TSHZ2: variants seen among roughly 807,000 people sequenced by gnomAD.
TSHZ2 encodes the protein teashirt homolog 2.
TSHZ2 carries 21 observed loss-of-function variants against 74.4 expected under a neutral mutation model. The observed-to-expected ratio is 0.28, with a 90% CI of 0.20 to 0.41. The LOEUF is 0.41. Among genes scored for constraint, TSHZ2 ranks in the 10% least tolerant of loss-of-function variants. The pLI is 1.00. For missense variants in TSHZ2, 1,244 were observed against 1,293.5 expected (o/e 0.96, Z 0.59); for synonymous variants, 540 against 515.3 (o/e 1.05, Z -0.65).
chr20:53,451,836 C>A (rs1984797396), intron 2 of TSHZ2, among the ~76,000 whole-genome samples: 1 of 152,162 alleles, frequency 6.6e-6, no homozygotes, highest in African/African-American at 2.4e-5. Context: ...TTGATCACCA[C>A]TTAGTACAGT....
chr20:53,171,094 G>C (rs1446154632), intron 1 of TSHZ2, among the ~76,000 whole-genome samples: 1 of 152,110 alleles, frequency 6.6e-6, no homozygotes, highest in Non-Finnish European at 1.5e-5. Flanking sequence ...TGTTTTAATA[G>C]GAACATTCAG....
intron 2 of TSHZ2, among the ~76,000 whole-genome samples, chr20:53,478,701 C>G (rs1178525168): frequency 6.6e-6 from 1 of 151,306 alleles, no homozygotes; most frequent in Non-Finnish European, 1.5e-5. Context: ...ATTTAGTTAT[C>G]AGATTAAAAA....
chr20:53,491,624 C>A lies in TSHZ2; in HGVS notation c.*4489C>A, dbSNP rs936710497. ...TTAATCTTCTTCCAATAGTTACGAA[C>A]AATGGGCTAACAGGCGTGGGTGTTT... On this transcript the variant is annotated 3_prime_UTR_variant, in exon 3 of 3. Coordinates refer to ENST00000371497, the MANE Select transcript of TSHZ2 (RefSeq NM_173485.6). The A allele has an allele frequency of 2.0e-5, 3 of 152,128 alleles. No homozygotes were observed. Among genetic ancestry groups the A allele is most frequent in the African/African-American group, 4.8e-5 (2 of 41,420 alleles). 9.4% of individuals were successfully genotyped at this position (152,128 alleles called of 1,614,324 possible). A position where few individuals can be genotyped will look rare whatever the true frequency, so the allele number is the denominator to read the frequency against.
intron 1 of TSHZ2, among the ~76,000 whole-genome samples, chr20:53,028,618 G>A (rs910579668): frequency 3.9e-5 from 6 of 152,208 alleles, no homozygotes; most frequent in Non-Finnish European, 5.9e-5. Context: ...CGGAGGTGGT[G>A]CCTTAAGATC....
At chr20:53,246,969 ATTG>A (rs781370731) in intron 1 of TSHZ2, among the ~76,000 whole-genome samples, 1 of 151,986 alleles carries the variant, frequency 6.6e-6, no homozygotes, top group African/African-American at 2.4e-5. Flanking sequence ...ATAGAGAGAG[ATTG>A]TTGTTTTGAT....
intron 2 of TSHZ2, among the ~76,000 whole-genome samples, chr20:53,306,060 C>G (rs916686077): frequency 2.6e-5 from 4 of 152,050 alleles, no homozygotes; most frequent in Non-Finnish European, 2.9e-5. Flanking sequence ...TGGCTTTTCT[C>G]ACTGAATAAG....
chr20:53,253,351 T>C, intron 1 of TSHZ2, 148 bp from the exon 2 acceptor site: 1 of 1,250,982 alleles, frequency 8.0e-7, no homozygotes, highest in Non-Finnish European at 1.0e-6. Flanking sequence ...ACCATTTGGC[T>C]TTTCCTGTGT....
At position 53,254,930 on chromosome 20, in the gene TSHZ2, C is replaced by G. The variant is rs771906222; in HGVS notation, c.1472C>G (p.Pro491Arg). 10 of 1,613,932 alleles carry G rather than the reference C, an allele frequency of 6.2e-6. No individual in the cohort carries two copies. Among genetic ancestry groups the G allele is most frequent in the South Asian group, 1.1e-5 (1 of 91,050 alleles). The change falls in exon 2 of 3, where the codon CCT (proline) becomes CGT (arginine). Residue 491 changes from proline to arginine, a missense_variant. By Grantham distance (103) the Pro-to-Arg change is moderately radical. This residue lies in a region of TSHZ2 where 562 missense variants were observed against 544.0 expected (regional missense o/e 1.03). Coordinates refer to ENST00000371497, the MANE Select transcript of TSHZ2 (RefSeq NM_173485.6). ...GACTATGAAGATCCTCTACAAAAAC[C>G]TTTAGACCCTACAATCAAATATCAA... ...SEDYEDPLQK[P>R]LDPTIKYQYL...
intron 1 of TSHZ2, among the ~76,000 whole-genome samples, chr20:53,148,194 G>A (rs1038696875): frequency 6.6e-6 from 1 of 152,192 alleles, no homozygotes; most frequent in Non-Finnish European, 1.5e-5. Context: ...TTGATCACAT[G>A]AATGTTATTT....
intron 1 of TSHZ2, among the ~76,000 whole-genome samples, chr20:53,027,253 T>C (rs1052173702): frequency 2.0e-5 from 3 of 152,214 alleles, no homozygotes; most frequent in African/African-American, 7.2e-5. Flanking sequence ...AATATATGCA[T>C]ATGTATTTAT....
intron 1 of TSHZ2, among the ~76,000 whole-genome samples, chr20:53,179,922 G>T (rs147078950): frequency 2.0e-5 from 3 of 152,150 alleles, no homozygotes; most frequent in Admixed American, 6.5e-5. Flanking sequence ...CTTTAAAAAA[G>T]ATGGAGTTAC....
At chr20:53,426,638 T>C (rs868518244) in intron 2 of TSHZ2, among the ~76,000 whole-genome samples, 31 of 152,242 alleles carry the variant, frequency 2.0e-4, no homozygotes, top group African/African-American at 7.2e-4. Flanking sequence ...CAGCGCGTTT[T>C]CTGCCCAGCC....
At chr20:53,262,224 C>T (rs2426480) in intron 2 of TSHZ2, among the ~76,000 whole-genome samples, 102,616 of 149,676 alleles carry the variant, frequency 0.69, 35,194 homozygotes, top group African/African-American at 0.79. Context: ...TTGTCTTTTT[C>T]TTTTTTTAAC....
At chr20:53,465,378 C>T (rs530391425) in intron 2 of TSHZ2, among the ~76,000 whole-genome samples, 1 of 152,226 alleles carries the variant, frequency 6.6e-6, no homozygotes, top group East Asian at 1.9e-4. Flanking sequence ...TCAAGAGATT[C>T]TCCTGTCTCA....
chr20:53,180,451 T>A (rs1988442088), intron 1 of TSHZ2, among the ~76,000 whole-genome samples: 1 of 152,138 alleles, frequency 6.6e-6, no homozygotes, highest in Non-Finnish European at 1.5e-5. Context: ...TGGGTTTCAT[T>A]TCAGTTTTAC....
intron 1 of TSHZ2, among the ~76,000 whole-genome samples, chr20:52,994,241 G>A (rs1352014748): frequency 1.3e-5 from 2 of 152,174 alleles, no homozygotes; most frequent in Non-Finnish European, 2.9e-5. Context: ...CCAGAATAAC[G>A]TCCGGAAGAA....
chr20:52,974,985 T>C (rs1981274374), intron 1 of TSHZ2, among the ~76,000 whole-genome samples: 1 of 152,228 alleles, frequency 6.6e-6, no homozygotes, highest in Admixed American at 6.5e-5. Context: ...AGTTACTTCT[T>C]TGGAAAACAA....
chr20:53,051,671 A>G (rs1478826219), intron 1 of TSHZ2, among the ~76,000 whole-genome samples: 1 of 152,190 alleles, frequency 6.6e-6, no homozygotes, highest in Non-Finnish European at 1.5e-5. Context: ...AATCATTTCA[A>G]ATTATTGGGA....
chr20:53,087,146 T>C (rs1258740978), intron 1 of TSHZ2, among the ~76,000 whole-genome samples: 1 of 152,200 alleles, frequency 6.6e-6, no homozygotes, highest in Admixed American at 6.5e-5. Context: ...TGCCCTTTCT[T>C]GAGCAACAGC....
Sources: allele counts gnomAD v4.1 joint callset (sites outside exome capture counted in the v4.1 genomes callset), GRCh38; gene constraint gnomAD v4.1.1; regional missense constraint gnomAD v4.1.1; transcripts MANE v1.5; gene names NCBI Gene and HGNC (gene_info 2026-07-23, HGNC 2026-07-21).